Variants in ZMYM4 observed in about 807,000 individuals in gnomAD.
The protein encoded by ZMYM4 is zinc finger MYM-type containing 4.
A neutral mutation model predicts 183.2 loss-of-function variants in ZMYM4; 31 were observed. That is an observed-to-expected ratio of 0.17 (90% CI 0.13 to 0.23). The LOEUF (loss-of-function observed/expected upper bound fraction) is 0.23, where lower values mean the gene tolerates loss of function less well. Among genes scored for constraint, ZMYM4 ranks in the 10% least tolerant of loss-of-function variants. The probability of loss-of-function intolerance (pLI) is 1.00; values close to 1 mark genes in which losing one functional copy is unlikely to be tolerated. For missense variants in ZMYM4, 1,273 were observed against 1,840.3 expected (o/e 0.69, Z 5.64); for synonymous variants, 592 against 631.2 (o/e 0.94, Z 0.93).
rs1644593867 is a variant in ZMYM4, at chr1:35,387,056, G to T, written c.1890G>T (p.Gln630His). The part of the protein sequence containing the change: ...GMNSSVVPLS[Q>H]GQVIVSIPTG... ...ATTCTTCAGTAGTGCCCTTGTCTCAGGGCCAAGTAATTGTAAGCATCCCCA... is the reference window on the plus strand; with the variant it reads ...ATTCTTCAGTAGTGCCCTTGTCTCATGGCCAAGTAATTGTAAGCATCCCCA... The change falls in exon 12 of 30, where the codon CAG (glutamine) becomes CAT (histidine). Residue 630 changes from glutamine to histidine, a missense_variant. Physicochemically the swap from Gln to His is conservative, Grantham distance 24 (BLOSUM62 0). Coordinates refer to ENST00000314607, the MANE Select transcript of ZMYM4 (RefSeq NM_005095.3). 6.2e-7 allele frequency: 1 copy of T among 1,614,070 alleles called. No homozygotes were observed. The highest frequency in any genetic ancestry group is 1.1e-5 in the South Asian group (1 of 91,080).
intron 2 of ZMYM4, among the ~76,000 whole-genome samples, chr1:35,350,129 G>GT (rs1355229912): frequency 1.4e-5 from 2 of 142,970 alleles, no homozygotes; most frequent in African/African-American, 5.2e-5. Context: ...TGCCTGGCTT[G>GT]TTTTTTAATT....
intron 9 of ZMYM4, among the ~76,000 whole-genome samples, chr1:35,384,914 G>T (rs953440695): frequency 6.8e-6 from 1 of 146,340 alleles, no homozygotes; most frequent in Non-Finnish European, 1.5e-5. Context: ...CACGATCTCA[G>T]CTCGCTGCAA....
intron 10 of ZMYM4, 110 bp downstream of exon 10, chr1:35,385,702 C>A: frequency 7.9e-7 from 1 of 1,267,548 alleles, no homozygotes; most frequent in South Asian, 1.8e-5. Context: ...TAACATATTT[C>A]AGATATTTGT....
intron 5 of ZMYM4, among the ~76,000 whole-genome samples, chr1:35,363,924 C>T (rs1644006183): frequency 6.6e-6 from 1 of 152,158 alleles, no homozygotes; most frequent in Admixed American, 6.5e-5. Flanking sequence ...TCATCTCTTT[C>T]TTTTGTACTT....
At chr1:35,385,390 T>C in intron 9 of ZMYM4, 52 bp from the exon 10 acceptor site, 1 of 1,549,682 alleles carries the variant, frequency 6.5e-7, no homozygotes, top group Admixed American at 2.0e-5. Flanking sequence ...CGAAGAATTA[T>C]GCTTTTACTA....
At chr1:35,280,921 C>G (rs1283333700) in intron 1 of ZMYM4, among the ~76,000 whole-genome samples, 2 of 152,110 alleles carry the variant, frequency 1.3e-5, no homozygotes, top group African/African-American at 4.8e-5. Flanking sequence ...TTGGGGACCA[C>G]AATTTAACCC....
At chr1:35,348,078 A>G (rs1395177479) in intron 2 of ZMYM4, among the ~76,000 whole-genome samples, 1 of 152,222 alleles carries the variant, frequency 6.6e-6, no homozygotes, top group Non-Finnish European at 1.5e-5. Flanking sequence ...TCTAAAAAGT[A>G]AAGTCTGTTG....
At chr1:35,410,411 T>A (rs1639834585) in intron 26 of ZMYM4, among the ~76,000 whole-genome samples, 1 of 152,084 alleles carries the variant, frequency 6.6e-6, no homozygotes, top group Admixed American at 6.6e-5. Context: ...TTCTCTGGAT[T>A]TTCTTTTCAC....
chr1:35,327,702 T>G (rs987833234), intron 2 of ZMYM4, among the ~76,000 whole-genome samples: 4 of 152,214 alleles, frequency 2.6e-5, no homozygotes, highest in Non-Finnish European at 5.9e-5. Context: ...CTAGGATATT[T>G]CATAAAATAT....
intron 26 of ZMYM4, among the ~76,000 whole-genome samples, chr1:35,411,509 T>C (rs980431179): frequency 2.0e-5 from 3 of 152,164 alleles, no homozygotes; most frequent in African/African-American, 7.2e-5. Context: ...GTTTTGCAAC[T>C]TACATTATAG....
At chr1:35,352,731 C>G (rs945116433) in intron 2 of ZMYM4, among the ~76,000 whole-genome samples, 1 of 152,206 alleles carries the variant, frequency 6.6e-6, no homozygotes, top group Non-Finnish European at 1.5e-5. Flanking sequence ...TTCTCCTACT[C>G]TATTAGCTGT....
intron 19 of ZMYM4, 113 bp downstream of exon 19, chr1:35,396,783 T>C (rs1261586475): frequency 7.4e-6 from 9 of 1,223,798 alleles, no homozygotes; most frequent in Non-Finnish European, 1.0e-5. Flanking sequence ...CTGCTTCTGA[T>C]TGGCTGTTAT....
intron 1 of ZMYM4, among the ~76,000 whole-genome samples, chr1:35,321,255 C>T (rs1032420306): frequency 5.3e-5 from 8 of 152,046 alleles, no homozygotes; most frequent in Non-Finnish European, 1.0e-4. Context: ...CTACTTTGTT[C>T]GGGAAGTTGG....
chr1:35,379,044 T>A (rs1033658942), intron 7 of ZMYM4, among the ~76,000 whole-genome samples: 1 of 152,218 alleles, frequency 6.6e-6, no homozygotes, highest in African/African-American at 2.4e-5. Flanking sequence ...TGGTTTGATC[T>A]TCTATCTAGA....
At chr1:35,296,557 C>A (rs999152887) in intron 1 of ZMYM4, among the ~76,000 whole-genome samples, 6 of 152,120 alleles carry the variant, frequency 3.9e-5, no homozygotes, top group African/African-American at 1.4e-4. Context: ...TACCTGTCCC[C>A]CTACAACATG....
At chr1:35,317,966 T>G (rs559043506) in intron 1 of ZMYM4, among the ~76,000 whole-genome samples, 1 of 151,464 alleles carries the variant, frequency 6.6e-6, no homozygotes, top group Non-Finnish European at 1.5e-5. Context: ...AATTTCACAG[T>G]AACACAACTC....
At chr1:35,418,390 CAAAG>C (rs1640207166) in intron 28 of ZMYM4, 49 bp from the exon 29 acceptor site, 1 of 1,586,644 alleles carries the variant, frequency 6.3e-7, no homozygotes, top group Non-Finnish European at 8.6e-7. Context: ...TCTTGAGACT[CAAAG>C]AATAGACTTT....
chr1:35,286,512 T>A (rs2148704030), intron 1 of ZMYM4, among the ~76,000 whole-genome samples: 1 of 152,150 alleles, frequency 6.6e-6, no homozygotes, highest in South Asian at 2.1e-4. Flanking sequence ...TCAGACAAGC[T>A]TTTTGAAGTT....
intron 7 of ZMYM4, 144 bp downstream of exon 7, chr1:35,370,771 T>C: frequency 2.0e-6 from 2 of 1,013,966 alleles, no homozygotes; most frequent in Non-Finnish European, 2.6e-6. Flanking sequence ...CATTATTTTC[T>C]GTCTGCTTTC....
Sources: gnomAD v4.1 joint callset for allele counts (sites outside exome capture counted in the v4.1 genomes callset) on GRCh38, gnomAD v4.1.1 for gene constraint, MANE v1.5 for transcripts, NCBI Gene and HGNC (gene_info 2026-07-23, HGNC 2026-07-21) for gene names.